Variants in PDE10A observed in about 807,000 individuals in gnomAD.
PDE10A encodes cAMP and cAMP-inhibited cGMP 3',5'-cyclic phosphodiesterase 10A.
In PDE10A, 39 loss-of-function variants were observed where a neutral mutation model predicts 97.7. That is an observed-to-expected ratio of 0.40 (90% CI 0.31 to 0.52). The LOEUF (loss-of-function observed/expected upper bound fraction) is 0.52, where lower values mean the gene tolerates loss of function less well. Among genes scored for constraint, PDE10A ranks in the 20% least tolerant of loss-of-function variants. The pLI is 0.56. For missense variants in PDE10A, 731 were observed against 1,047.8 expected (o/e 0.70, Z 4.17); for synonymous variants, 371 against 376.8 (o/e 0.98, Z 0.18).
intron 1 of PDE10A, among the ~76,000 whole-genome samples, chr6:165,866,032 C>T (rs1455613951): frequency 2.6e-5 from 4 of 151,968 alleles, no homozygotes; most frequent in African/African-American, 9.7e-5. Context: ...AAAGGATATA[C>T]AAACAATCAG....
At chr6:165,783,274 G>T (rs376515734) in intron 1 of PDE10A, among the ~76,000 whole-genome samples, 79 of 152,262 alleles carry the variant, frequency 5.2e-4, no homozygotes, top group African/African-American at 1.6e-3. Context: ...TACGAATGAC[G>T]ATTACAGTCA....
At chr6:165,359,041 C>T (rs1783216342) in intron 18 of PDE10A, among the ~76,000 whole-genome samples, 1 of 151,988 alleles carries the variant, frequency 6.6e-6, no homozygotes, top group Non-Finnish European at 1.5e-5. Context: ...TATAATTCTA[C>T]ATAGTCTCAT....
chr6:165,670,309 C>T (rs999055169), intron 1 of PDE10A, among the ~76,000 whole-genome samples: 6 of 152,234 alleles, frequency 3.9e-5, no homozygotes, highest in Admixed American at 1.3e-4. Context: ...CCTCTTAACA[C>T]GAGTCACAAA....
chr6:165,517,619 A>C (rs1006775153), intron 2 of PDE10A, among the ~76,000 whole-genome samples: 24 of 152,202 alleles, frequency 1.6e-4, no homozygotes, highest in African/African-American at 5.5e-4. Context: ...ACTCGGATGA[A>C]TCTCAAAAAG....
intron 1 of PDE10A, among the ~76,000 whole-genome samples, chr6:165,901,700 G>A (rs529834980): frequency 6.6e-6 from 1 of 152,158 alleles, no homozygotes; most frequent in Non-Finnish European, 1.5e-5. Context: ...TACTCGGGAG[G>A]CTGAGGCAGG....
intron 1 of PDE10A, among the ~76,000 whole-genome samples, chr6:165,702,571 G>A (rs190945864): frequency 1.3e-5 from 2 of 152,364 alleles, no homozygotes; most frequent in African/African-American, 2.4e-5. Context: ...GTGACAAGAA[G>A]TGTACAATTA....
chr6:165,807,346 C>T (rs1299382713), intron 1 of PDE10A, among the ~76,000 whole-genome samples: 1 of 152,148 alleles, frequency 6.6e-6, no homozygotes, highest in Admixed American at 6.5e-5. Flanking sequence ...AAGGCAATCA[C>T]TTTTGTTTCC....
At chr6:165,732,049 C>A (rs1792450811) in intron 1 of PDE10A, among the ~76,000 whole-genome samples, 3 of 152,190 alleles carry the variant, frequency 2.0e-5, no homozygotes, top group Admixed American at 2.0e-4. Flanking sequence ...TGGATAAGCG[C>A]CCCTTCACTC....
intron 5 of PDE10A, among the ~76,000 whole-genome samples, chr6:165,444,736 T>C (rs1050210764): frequency 2.0e-5 from 3 of 152,104 alleles, no homozygotes; most frequent in Non-Finnish European, 2.9e-5. Flanking sequence ...AGAACTTTTT[T>C]CCTCCTTGCT....
chr6:165,591,659 A>G (rs1786276123), intron 1 of PDE10A, among the ~76,000 whole-genome samples: 1 of 152,256 alleles, frequency 6.6e-6, no homozygotes, highest in Non-Finnish European at 1.5e-5. Flanking sequence ...GAGCTTAAAC[A>G]ACTCTTCAAA....
At chr6:165,467,153 T>G (rs1228922892) in intron 3 of PDE10A, among the ~76,000 whole-genome samples, 2 of 152,326 alleles carry the variant, frequency 1.3e-5, no homozygotes, top group South Asian at 2.1e-4. Flanking sequence ...GAAGAAAAGT[T>G]TGAAGCTAGT....
intron 2 of PDE10A, among the ~76,000 whole-genome samples, chr6:165,521,194 T>G (rs527544202): frequency 6.6e-6 from 1 of 152,280 alleles, no homozygotes; most frequent in African/African-American, 2.4e-5. Flanking sequence ...CATGAGATGG[T>G]GAACTTAATT....
Position 165,328,718 on chromosome 6 carries a change from T to A in PDE10A, c.*4307A>T, listed in dbSNP as rs951218358. 1.3e-5 allele frequency: 2 copies of A among 152,256 alleles called. No individual in the cohort carries two copies. The highest frequency in any genetic ancestry group is 2.4e-5 in the African/African-American group (1 of 41,470). 9.4% of individuals were successfully genotyped at this position (152,256 alleles called of 1,614,324 possible). On this transcript the variant is annotated 3_prime_UTR_variant, in exon 22 of 22. Transcript: ENST00000539869. ...CATTAATGTCTTTCTCTTTGTTCTA[T>A]CTTCTTAATTTAGAACCAGCACACC...
Position 165,576,453 on chromosome 6 carries a change from C to T in PDE10A, c.866-32885G>A, listed in dbSNP as rs751891190. The T allele has an allele frequency of 2.0e-5, 16 of 780,766 alleles. 1 individual carries two copies. The highest frequency in any genetic ancestry group is 5.1e-5 in the African/African-American group (3 of 59,148). The allele number at this position is 780,766 out of a possible 1,614,324, so 48.4% of individuals were successfully genotyped here. A position where few individuals can be genotyped will look rare whatever the true frequency, so the allele number is the denominator to read the frequency against. On this transcript the variant is annotated intron_variant, in intron 1 of 21. Transcript: ENST00000539869. ...TTTCCTCTCTTCTATCCTCATTCTA[C>T]ATTCTTTTCCTTCAAAGTCTTCTCT...
In PDE10A at chr6:165,819,534, G is replaced by A. The variant is rs1219793078; in HGVS notation, c.-615+167995C>T. ...GTGCCGGCAGCCTCCTCCGACCTCC[G>A]AAGAGTGGTCATTGATTTGTCCTTC... On this transcript the variant is annotated intron_variant, in intron 1 of 19. Coordinates refer to the PDE10A transcript ENST00000366882. This position sits in a 1 kb window ranked among gnomAD's most constrained non-coding sequence, Gnocchi z 4.2. 6.6e-6 allele frequency among the ~76,000 whole-genome samples: 1 copy of A among 152,048 alleles called. No individual in the cohort carries two copies.
chr6:165,398,195 G>A (rs759071437), intron 13 of PDE10A, among the ~76,000 whole-genome samples: 2 of 152,112 alleles, frequency 1.3e-5, no homozygotes, highest in Non-Finnish European at 2.9e-5. Flanking sequence ...TAAGAAGTAT[G>A]TCGATCCAAA....
chr6:165,493,685 C>G (rs1185503721), intron 2 of PDE10A, among the ~76,000 whole-genome samples: 1 of 152,008 alleles, frequency 6.6e-6, no homozygotes, highest in Non-Finnish European at 1.5e-5. Context: ...CAAGATGGAT[C>G]AAAGACTTAA....
At chr6:165,782,639 G>A (rs1414172097) in intron 1 of PDE10A, among the ~76,000 whole-genome samples, 2 of 152,146 alleles carry the variant, frequency 1.3e-5, no homozygotes, top group South Asian at 2.1e-4. Context: ...ACAATCTGTC[G>A]TATTTCCCCT....
chr6:165,472,603 C>T (rs1779079082), intron 3 of PDE10A, among the ~76,000 whole-genome samples: 4 of 151,886 alleles, frequency 2.6e-5, no homozygotes, highest in African/African-American at 9.7e-5. Flanking sequence ...AGACTTTATC[C>T]CCATTTTACA....
Sources: allele counts gnomAD v4.1 joint callset (sites outside exome capture counted in the v4.1 genomes callset), GRCh38; gene constraint gnomAD v4.1.1; non-coding constraint Gnocchi (gnomAD v3.1); transcripts MANE v1.5; gene names NCBI Gene and HGNC (gene_info 2026-07-23, HGNC 2026-07-21).